The following AMN1 variants were observed in gnomAD, a reference collection of about 807,000 sequenced individuals.
AMN1 encodes the protein antagonist of mitotic exit network 1 homolog, also known as protein AMN1 homolog.
A neutral mutation model predicts 33.0 loss-of-function variants in AMN1; 20 were observed. That is an observed-to-expected ratio of 0.61 (90% confidence interval 0.43 to 0.88). The LOEUF (loss-of-function observed/expected upper bound fraction) is 0.88. AMN1 is among the 40% of genes least tolerant of loss of function. The probability of loss-of-function intolerance (pLI) is 0.00; values close to 1 mark genes in which losing one functional copy is unlikely to be tolerated. For missense variants in AMN1, 246 were observed against 307.4 expected (o/e 0.80, Z 1.49); for synonymous variants, 114 against 111.9 (o/e 1.02, Z -0.12).
chr12:31,703,002 G>C (rs1027493586), intron 2 of AMN1, among the ~76,000 whole-genome samples: 13 of 152,212 alleles, frequency 8.5e-5, no homozygotes, highest in African/African-American at 3.1e-4. Context: ...CTCCCAAAGT[G>C]CTGGGATTAC....
chr12:31,698,859 C>A (rs894444139), intron 3 of AMN1, among the ~76,000 whole-genome samples: 1 of 152,024 alleles, frequency 6.6e-6, no homozygotes, highest in African/African-American at 2.4e-5. Flanking sequence ...CTCCGAAAAG[C>A]CTTATAATTT....
Position 31,683,006 on chromosome 12 carries a change from A to T in AMN1, c.703+6001T>A, listed in dbSNP as rs865828344. Among the ~76,000 whole-genome samples, 6 of 143,478 alleles carry T rather than the reference A, an allele frequency of 4.2e-5. No individual in the cohort carries two copies. The highest frequency in any genetic ancestry group is 1.3e-4 in the African/African-American group (5 of 38,134). The allele number at this position is 143,478 out of a possible 152,430, so 94.1% of individuals were successfully genotyped here. ...GAGACAGTGTCTCACCTTGTCACTC[A>T]GGCTGGAGTGCAGTGGCACAATCTT... On this transcript the variant is annotated intron_variant, in intron 6 of 6. Transcript: ENST00000281471. This position sits in a 1 kb window ranked among gnomAD's most constrained non-coding sequence, Gnocchi z 4.1.
intron 1 of AMN1, among the ~76,000 whole-genome samples, chr12:31,716,139 G>A (rs1939666748): frequency 6.6e-6 from 1 of 152,002 alleles, no homozygotes; most frequent in Non-Finnish European, 1.5e-5. Flanking sequence ...TCAACATTAT[G>A]TTTGTGAAAT....
At chr12:31,707,683 T>A (rs1939299653) in intron 2 of AMN1, among the ~76,000 whole-genome samples, 1 of 152,230 alleles carries the variant, frequency 6.6e-6, no homozygotes, top group Non-Finnish European at 1.5e-5. Context: ...CTGGAATCTG[T>A]GTTCCTTGAA....
intron 5 of AMN1, among the ~76,000 whole-genome samples, chr12:31,692,000 C>T (rs1012811566): frequency 2.0e-5 from 3 of 152,006 alleles, no homozygotes; most frequent in African/African-American, 7.2e-5. Context: ...GCCTCAGCCT[C>T]CCAAGTAGCT....
intron 5 of AMN1, among the ~76,000 whole-genome samples, chr12:31,694,140 TA>T (rs372135890): frequency 1.8e-3 from 254 of 142,460 alleles, no homozygotes; most frequent in African/African-American, 2.8e-3. Flanking sequence ...GAGTAGTTAG[TA>T]AAAAAAAAAA....
intron 1 of AMN1, chr12:31,715,781 T>G (rs1939650403): frequency 6.4e-6 from 1 of 156,374 alleles, no homozygotes; most frequent in African/African-American, 2.4e-5. Context: ...GAAGTAGCCA[T>G]GATGAATGAA....
intron 1 of AMN1, among the ~76,000 whole-genome samples, chr12:31,718,714 C>A (rs1939772004): frequency 6.6e-6 from 1 of 152,226 alleles, no homozygotes; most frequent in African/African-American, 2.4e-5. Flanking sequence ...CCACTCCAGA[C>A]CCTGTTTGCC....
chr12:31,672,496 G>A (rs989220450), intron 6 of AMN1, 119 bp from the exon 7 acceptor site: 5 of 727,320 alleles, frequency 6.9e-6, no homozygotes. Flanking sequence ...TAAAGGAGGT[G>A]ATCTATAAAG....
intron 1 of AMN1, among the ~76,000 whole-genome samples, chr12:31,725,854 C>G (rs1465399974): frequency 6.6e-6 from 1 of 152,086 alleles, no homozygotes; most frequent in African/African-American, 2.4e-5. Flanking sequence ...CACCACCATG[C>G]CCAGTTAATT....
In AMN1 at chr12:31,672,221, G is replaced by A; in HGVS notation, c.*83C>T. On this transcript the variant is annotated 3_prime_UTR_variant, in exon 7 of 7. Coordinates refer to ENST00000281471, the MANE Select transcript of AMN1 (RefSeq NM_001113402.2). Reference sequence around the variant, plus strand: ...TAATTAAAAATAGTGTTAACATTAAGTAGAATGCAAATCTCTATAGATGGT... The same window carrying A: ...TAATTAAAAATAGTGTTAACATTAAATAGAATGCAAATCTCTATAGATGGT... The A allele has an allele frequency of 1.1e-6, 1 of 882,320 alleles. No individual in the cohort carries two copies. The allele number at this position is 882,320 out of a possible 1,614,324, so 54.7% of individuals were successfully genotyped here. A position where few individuals can be genotyped will look rare whatever the true frequency, so the allele number is the denominator to read the frequency against.
intron 1 of AMN1, among the ~76,000 whole-genome samples, chr12:31,716,198 C>G (rs1013851994): frequency 3.3e-5 from 5 of 152,118 alleles, no homozygotes; most frequent in Non-Finnish European, 7.3e-5. Flanking sequence ...TCCATTTTCA[C>G]GTTGTTCATG....
chr12:31,676,538 G>A (rs1452892491), intron 6 of AMN1, among the ~76,000 whole-genome samples: 4 of 151,084 alleles, frequency 2.6e-5, no homozygotes. Context: ...TAGCCAGGAT[G>A]GTCTCGATCT....
chr12:31,709,111 G>T (rs1485394655), intron 2 of AMN1, 182 bp downstream of exon 2: 2 of 690,274 alleles, frequency 2.9e-6, no homozygotes, highest in South Asian at 1.5e-5. Context: ...GGCAGCGGAG[G>T]TTGCAGTGAG....
chr12:31,704,786 C>T (rs981810682), intron 2 of AMN1, among the ~76,000 whole-genome samples: 3 of 152,102 alleles, frequency 2.0e-5, no homozygotes, highest in Admixed American at 6.6e-5. Flanking sequence ...TTTTCTATCT[C>T]ATTCACCCTC....
chr12:31,698,372 C>A (rs983162854), intron 3 of AMN1, among the ~76,000 whole-genome samples: 1 of 152,206 alleles, frequency 6.6e-6, no homozygotes, highest in Admixed American at 6.5e-5. Context: ...TGGTTTCAGT[C>A]ATGATCTTCA....
intron 5 of AMN1, among the ~76,000 whole-genome samples, chr12:31,690,914 T>TA (rs1938470530): frequency 6.6e-6 from 1 of 152,092 alleles, no homozygotes; most frequent in African/African-American, 2.4e-5. Flanking sequence ...GGTGGGTGGA[T>TA]CATGAGGTCA....
chr12:31,676,202 G>T (rs1443056234), intron 6 of AMN1, among the ~76,000 whole-genome samples: 1 of 151,530 alleles, frequency 6.6e-6, no homozygotes, highest in Non-Finnish European at 1.5e-5. Context: ...CCTAAATAAA[G>T]AAATCCAAAC....
At chr12:31,715,047 T>C (rs1939617184) in intron 1 of AMN1, 1 of 347,106 alleles carries the variant, frequency 2.9e-6, no homozygotes, top group African/African-American at 2.2e-5. Context: ...TTCACAAATA[T>C]GTTTCACAAA....
Sources: gnomAD v4.1 joint callset for allele counts (sites outside exome capture counted in the v4.1 genomes callset) on GRCh38, gnomAD v4.1.1 for gene constraint, Gnocchi (gnomAD v3.1) non-coding constraint, MANE v1.5 for transcripts, NCBI Gene and HGNC (gene_info 2026-07-23, HGNC 2026-07-21) for gene names.